GSTA4: variants seen among roughly 807,000 people sequenced by gnomAD.
GSTA4 encodes the protein glutathione S-transferase A4.
A neutral mutation model predicts 24.4 loss-of-function variants in GSTA4; 15 were observed. The observed-to-expected ratio is 0.61, with a 90% CI of 0.41 to 0.95. The LOEUF is 0.95. Among genes scored for constraint, GSTA4 ranks in the 40% least tolerant of loss-of-function variants. The pLI, the probability that GSTA4 is intolerant of heterozygous loss-of-function variation, is 0.00. For missense variants in GSTA4, 244 were observed against 262.1 expected (o/e 0.93, Z 0.48); for synonymous variants, 92 against 94.2 (o/e 0.98, Z 0.13).
chr6:52,991,827 G>A (rs1274716646), intron 2 of GSTA4, among the ~76,000 whole-genome samples: 4 of 146,056 alleles, frequency 2.7e-5, no homozygotes, highest in Non-Finnish European at 5.9e-5. Context: ...GGGCAATCTC[G>A]GCTCACTGCA....
intron 6 of GSTA4, among the ~76,000 whole-genome samples, chr6:52,981,226 C>T (rs1206938804): frequency 2.0e-5 from 3 of 152,072 alleles, no homozygotes; most frequent in Non-Finnish European, 4.4e-5. Context: ...TAATTGCTCT[C>T]ATTAGTATAT....
In GSTA4 at chr6:52,985,422, G is replaced by A. The variant is rs1763531934; in HGVS notation, c.272+29C>T. ...AGCTAAGGCATCAGTAAGCTGACAA[G>A]TGACAACACTCGAGAGGGGCCACAG... On this transcript the variant is annotated intron_variant, in intron 4 of 6. Coordinates refer to ENST00000370963, the MANE Select transcript of GSTA4 (RefSeq NM_001512.4). 3.1e-6 allele frequency: 5 copies of A among 1,605,834 alleles called. No homozygotes were observed. In the South Asian group the frequency reaches 4.5e-5, roughly 14 times the overall value.
chr6:52,984,528 T>G lies in GSTA4; in HGVS notation c.350A>C (p.Gln117Pro). 6.2e-7 allele frequency: 1 copy of G among 1,613,592 alleles called. No individual in the cohort carries two copies. The highest frequency in any genetic ancestry group is 1.1e-5 in the South Asian group (1 of 91,064). ...GGCCATGTTAACCACTTCCTTTTGCTGATCATCTGGTTTTAAGAAAGGATG... is the reference window on the plus strand; with the variant it reads ...GGCCATGTTAACCACTTCCTTTTGCGGATCATCTGGTTTTAAGAAAGGATG... The part of the protein sequence containing the change: ...IMHPFLKPDD[Q>P]QKEVVNMAQK... The change falls in exon 5 of 7, where the codon CAG (glutamine) becomes CCG (proline). Residue 117 changes from glutamine (Q) to proline (P), a missense_variant. Gln to Pro is a moderately conservative substitution (Grantham distance 76). Transcript: ENST00000370963.
chr6:52,979,049 T>C (rs895525302), intron 6 of GSTA4, among the ~76,000 whole-genome samples: 4 of 151,864 alleles, frequency 2.6e-5, no homozygotes, highest in African/African-American at 9.7e-5. Flanking sequence ...TTTACAGAAA[T>C]GGCAAAAGTA....
intron 2 of GSTA4, among the ~76,000 whole-genome samples, chr6:52,990,870 C>T (rs546226787): frequency 1.3e-5 from 2 of 152,202 alleles, no homozygotes; most frequent in South Asian, 4.2e-4. Context: ...AACAAGAGGG[C>T]GAGGTGGGGC....
chr6:52,985,703 C>T, intron 3 of GSTA4, 120 bp from the exon 4 acceptor site: 1 of 1,018,804 alleles, frequency 9.8e-7, no homozygotes, highest in Non-Finnish European at 1.5e-6. Context: ...TAGTGTAAAG[C>T]TTCCAGATGA....
At chr6:52,990,101 G>C (rs1268779371) in intron 2 of GSTA4, among the ~76,000 whole-genome samples, 6 of 152,170 alleles carry the variant, frequency 3.9e-5, no homozygotes, top group Admixed American at 3.9e-4. Flanking sequence ...ACGTCTCAAA[G>C]GGGATTTGCC....
At chr6:52,987,486 T>C in intron 2 of GSTA4, 78 bp from the exon 3 acceptor site, 1 of 761,136 alleles carries the variant, frequency 1.3e-6, no homozygotes, top group South Asian at 1.6e-5. Flanking sequence ...TCCTGTCATT[T>C]TCAGCAACAC....
chr6:52,992,631 G>GA (rs559448536), intron 2 of GSTA4, among the ~76,000 whole-genome samples: 26 of 151,960 alleles, frequency 1.7e-4, no homozygotes, highest in Non-Finnish European at 2.6e-4. Flanking sequence ...GTCTAATCAT[G>GA]AAAAAAACAA....
chr6:52,980,467 C>T (rs1763431364), intron 6 of GSTA4, among the ~76,000 whole-genome samples: 1 of 152,120 alleles, frequency 6.6e-6, no homozygotes, highest in African/African-American at 2.4e-5. Context: ...CCATGCTCAG[C>T]TAATTGTTTT....
intron 3 of GSTA4, among the ~76,000 whole-genome samples, 196 bp from the exon 4 acceptor site, chr6:52,985,779 G>C (rs1171013552): frequency 6.6e-6 from 1 of 152,172 alleles, no homozygotes; most frequent in Non-Finnish European, 1.5e-5. Context: ...GGGGCCAGGC[G>C]TGGTGGCTCA....
chr6:52,982,879 GA>G (rs762262952), intron 5 of GSTA4, among the ~76,000 whole-genome samples, 174 bp from the exon 6 acceptor site: 54 of 119,110 alleles, frequency 4.5e-4, no homozygotes, highest in Non-Finnish European at 7.8e-4. Flanking sequence ...GAGTGAGAGA[GA>G]GGGGGAGAGA....
chr6:52,994,276 C>T lies in GSTA4; in HGVS notation c.-18-15G>A. ...TTTCAGGCTTTCTGAAATACAAATG[C>T]AGCAGCTCGTCGCAGACCAACAGTC... On this transcript the variant is annotated splice_polypyrimidine_tract_variant and intron_variant, in intron 1 of 6. Transcript: ENST00000370963. The T allele has an allele frequency of 1.4e-6, 2 of 1,427,168 alleles. No individual in the cohort carries two copies. Among genetic ancestry groups the T allele is most frequent in the South Asian group, 2.3e-5 (2 of 87,334 alleles). The allele number at this position is 1,427,168 out of a possible 1,614,324, so 88.4% of individuals were successfully genotyped here.
intron 1 of GSTA4, chr6:52,994,535 G>A (rs1020628468): frequency 1.2e-4 from 39 of 339,006 alleles, no homozygotes; most frequent in African/African-American, 7.4e-4. Flanking sequence ...TGTGCTAGCA[G>A]TACGGGATTT....
At chr6:52,992,566 A>G (rs566152402) in intron 2 of GSTA4, among the ~76,000 whole-genome samples, 80 of 152,346 alleles carry the variant, frequency 5.3e-4, no homozygotes, top group Non-Finnish European at 9.6e-4. Flanking sequence ...CCCTAATATG[A>G]TGACGTGAAC....
In GSTA4 at chr6:52,985,371, G is replaced by T. The variant is rs1176266543; in HGVS notation, c.272+80C>A. On this transcript the variant is annotated intron_variant, in intron 4 of 6. Transcript: ENST00000370963. Reference sequence around the variant, plus strand: ...TAACTATGTAAGACATAAAGTAAATGTGGTGTGCTACAGAGGTTGCTAATC... The same window carrying T: ...TAACTATGTAAGACATAAAGTAAATTTGGTGTGCTACAGAGGTTGCTAATC... 21 of 1,306,108 alleles carry T rather than the reference G, an allele frequency of 1.6e-5. No homozygotes were observed. In the Admixed American group the frequency reaches 4.3e-4, roughly 27 times the overall value. The allele number at this position is 1,306,108 out of a possible 1,614,324, so 80.9% of individuals were successfully genotyped here.
chr6:52,986,201 G>A (rs1763553485), intron 3 of GSTA4, among the ~76,000 whole-genome samples: 1 of 152,166 alleles, frequency 6.6e-6, no homozygotes, highest in South Asian at 2.1e-4. Flanking sequence ...GCAGTCACCA[G>A]CTACACGCAG....
chr6:52,981,527 AT>A (rs1245879520), intron 6 of GSTA4, among the ~76,000 whole-genome samples: 1 of 152,262 alleles, frequency 6.6e-6, no homozygotes, highest in Non-Finnish European at 1.5e-5. Context: ...TACCAATGAA[AT>A]TTATGAATAC....
At position 52,987,409 on chromosome 6, in the gene GSTA4, C is replaced by T. The variant is rs761709594; in HGVS notation, c.88-1G>A. The T allele has an allele frequency of 6.5e-7, 1 of 1,547,346 alleles. No individual in the cohort carries two copies. The highest frequency in any genetic ancestry group is 1.1e-5 in the South Asian group (1 of 88,272). ...TTGTTTCCAGAAATTCTTCATCAAA[C>T]TAAATTTTTAAAAAAGAAACGTATA... is the stretch of plus-strand genomic sequence containing the variant. On this transcript the variant is annotated splice_acceptor_variant, in intron 2 of 6. Transcript: ENST00000370963. LOFTEE classifies it high-confidence loss of function.
Sources: gnomAD v4.1 joint callset for allele counts (sites outside exome capture counted in the v4.1 genomes callset) on GRCh38, gnomAD v4.1.1 for gene constraint, MANE v1.5 for transcripts, NCBI Gene and HGNC (gene_info 2026-07-23, HGNC 2026-07-21) for gene names.